The following USP8 variants were observed in gnomAD, a reference collection of about 807,000 sequenced individuals.
USP8 encodes ubiquitin carboxyl-terminal hydrolase 8.
In USP8, 27 loss-of-function variants were observed where a neutral mutation model predicts 130.0. That is an observed-to-expected ratio of 0.21 (90% confidence interval 0.15 to 0.29). The LOEUF (loss-of-function observed/expected upper bound fraction) is 0.29. Among genes scored for constraint, USP8 ranks in the 10% least tolerant of loss-of-function variants. The pLI is 1.00. For synonymous variants in USP8, 392 were observed against 444.1 expected, an observed-to-expected ratio of 0.88 and a Z score of 1.48; for missense variants, 1,029 against 1,312.2, an observed-to-expected ratio of 0.78 and a Z score of 3.33.
intron 3 of USP8, among the ~76,000 whole-genome samples, chr15:50,448,922 C>G (rs2050525411): frequency 1.3e-5 from 2 of 152,092 alleles, no homozygotes; most frequent in Non-Finnish European, 2.9e-5. Flanking sequence ...TGTTTTGACT[C>G]CAGTTGGGAT....
chr15:50,477,010 T>G lies in USP8; in HGVS notation c.994+17T>G, dbSNP rs986056087. 1 of 1,593,046 alleles carries G rather than the reference T, an allele frequency of 6.3e-7. No homozygotes were observed. The highest frequency in any genetic ancestry group is 1.4e-5 in the African/African-American group (1 of 73,568). Reference sequence around the variant, plus strand: ...CTATCTCATGTATGTATGTGAAAATTTTTGTTTAAAATTGCTTTGGTAAAA... The same window carrying G: ...CTATCTCATGTATGTATGTGAAAATGTTTGTTTAAAATTGCTTTGGTAAAA... On this transcript the variant is annotated intron_variant, in intron 9 of 19. Coordinates refer to ENST00000307179, the MANE Select transcript of USP8 (RefSeq NM_005154.5).
Position 50,482,014 on chromosome 15 carries a change from A to G in USP8, c.1752A>G (p.Ser584=). 6.4e-7 allele frequency: 1 copy of G among 1,570,924 alleles called. No individual in the cohort carries two copies. Among genetic ancestry groups the G allele is most frequent in the Non-Finnish European group, 8.6e-7 (1 of 1,165,644 alleles). Residue 584 remains serine (S), a synonymous_variant, in exon 11 of 20, where the codon TCA becomes TCG. Coordinates refer to ENST00000307179, the MANE Select transcript of USP8 (RefSeq NM_005154.5). ...RCPTPEIQKK[S]TGDVPHTSVT... is the part of the protein sequence containing the mutation. ...CAACCCCAGAAATACAGAAAAAGTC[A>G]ACAGGAGATGTGCCCCATACATCTG...
intron 1 of USP8, among the ~76,000 whole-genome samples, chr15:50,434,206 G>A (rs772322611): frequency 5.9e-5 from 9 of 151,570 alleles, no homozygotes; most frequent in East Asian, 2.0e-4. Flanking sequence ...GGGTTCAAGC[G>A]ATTTTTCTGC....
rs1228956967 is a variant in USP8 at position 50,439,181 on chromosome 15, T to C, written c.104+4T>C. On this transcript the variant is annotated splice_donor_region_variant and intron_variant, in intron 2 of 19. Transcript: ENST00000307179. ...CAGAGAAAATAAGCACTAAGAGGTA[T>C]GATGTATCCTTCGCTAGTTTGATTG... 2 of 1,458,730 alleles carry C rather than the reference T, an allele frequency of 1.4e-6. No individual in the cohort carries two copies. Among genetic ancestry groups the C allele is most frequent in the South Asian group, 1.4e-5 (1 of 72,082 alleles). 90.4% of individuals were successfully genotyped at this position (1,458,730 alleles called of 1,614,324 possible). A position where few individuals can be genotyped will look rare whatever the true frequency, so the allele number is the denominator to read the frequency against.
intron 11 of USP8, among the ~76,000 whole-genome samples, chr15:50,483,386 T>G (rs2051842603): frequency 6.6e-6 from 1 of 152,198 alleles, no homozygotes; most frequent in African/African-American, 2.4e-5. Flanking sequence ...CTTTTAAAAG[T>G]AGGAGAAATA....
Position 50,477,377 on chromosome 15 carries a change from A to G in USP8, c.1096A>G (p.Ser366Gly), listed in dbSNP as rs890063015. The G allele has an allele frequency of 5.6e-6, 9 of 1,614,048 alleles. No individual in the cohort carries two copies. In the African/African-American group the frequency reaches 1.2e-4, roughly 22 times the overall value. ...IEVDENIELI[S>G]GQNERMGPLN... The stretch of plus-strand genomic sequence containing the variant: ...AGTAGATGAAAATATAGAATTGATA[A>G]GTGGTCAAAATGAGAGAATGGGACC... The change falls in exon 10 of 20, where the codon AGT becomes GGT. Residue 366 changes from serine (S) to glycine (G), a missense_variant. Coordinates refer to ENST00000307179, the MANE Select transcript of USP8 (RefSeq NM_005154.5).
chr15:50,462,253 A>C (rs1296859707), intron 5 of USP8, 27 bp from the exon 6 acceptor site: 2 of 1,584,614 alleles, frequency 1.3e-6, no homozygotes, highest in Non-Finnish European at 1.7e-6. Flanking sequence ...ATGAAAGTTG[A>C]AACTTTTTTT....
At chr15:50,458,910 G>A in intron 4 of USP8, 90 bp from the exon 5 acceptor site, 1 of 1,510,892 alleles carries the variant, frequency 6.6e-7, no homozygotes, top group Non-Finnish European at 9.1e-7. Context: ...AATACCTCAA[G>A]GCAGGATACT....
In USP8 at chr15:50,490,380, A is replaced by G. The variant is rs1402105249; in HGVS notation, c.2089A>G (p.Lys697Glu). The G allele has an allele frequency of 6.2e-7, 1 of 1,614,098 alleles. No homozygotes were observed. The highest frequency in any genetic ancestry group is 1.1e-5 in the South Asian group (1 of 91,084). ...SAPPSTPPTH[K>E]AKPQIPAERD... ...ACCTCCTTCCACCCCTCCAACTCAT[A>G]AAGCCAAGCCACAGATTCCTGCTGA... The change falls in exon 14 of 20, where the codon AAA (lysine) becomes GAA (glutamate). Residue 697 changes from lysine to glutamate, a missense_variant. Transcript: ENST00000307179.
At chr15:50,482,156 C>A in intron 11 of USP8, 91 bp downstream of exon 11, 1 of 1,216,594 alleles carries the variant, frequency 8.2e-7, no homozygotes, top group Non-Finnish European at 1.1e-6. Context: ...AAAGGGCAGG[C>A]ATTTCAAATA....
Position 50,495,870 on chromosome 15 carries a change from A to G in USP8, c.2681A>G (p.Lys894Arg). Residue 894 changes from lysine to arginine, a missense_variant, in exon 17 of 20, where the codon AAA becomes AGA. Physicochemically the swap from Lys to Arg is conservative, Grantham distance 26. Around this residue, in one of 4 missense-constraint regions of USP8, gnomAD observed 257 missense variants for 429.8 expected, o/e 0.60. Transcript: ENST00000307179. ...LNKADNRKRYKEENNDHLDDF... is the reference protein window; with the variant it reads ...LNKADNRKRYREENNDHLDDF... Reference sequence around the variant, plus strand: ...CAGGCTGATAATCGGAAGAGATATAAAGAAGAAAATAATGATCATCTCGAT... The same window carrying G: ...CAGGCTGATAATCGGAAGAGATATAGAGAAGAAAATAATGATCATCTCGAT... 1 of 1,613,600 alleles carries G rather than the reference A, an allele frequency of 6.2e-7. No individual in the cohort carries two copies. The highest frequency in any genetic ancestry group is 8.5e-7 in the Non-Finnish European group (1 of 1,179,734).
chr15:50,490,200 C>A (rs1368243209), intron 13 of USP8, 63 bp from the exon 14 acceptor site: 8 of 1,480,044 alleles, frequency 5.4e-6, no homozygotes, highest in Admixed American at 2.2e-5. Context: ...GGAGTGATTT[C>A]TTTGTTTATA....
Position 50,459,129 on chromosome 15 carries a change from G to A in USP8, c.465G>A (p.Glu155=), listed in dbSNP as rs780810414. The A allele has an allele frequency of 1.9e-6, 3 of 1,610,946 alleles. No homozygotes were observed. The highest frequency in any genetic ancestry group is 2.2e-5 in the South Asian group (2 of 89,964). ...GCACATTGGCTAAAGGCTCTTTGGAGAATGTTTTGGATTCCAAAGACAAAA... is the reference window on the plus strand; with the variant it reads ...GCACATTGGCTAAAGGCTCTTTGGAAAATGTTTTGGATTCCAAAGACAAAA... ...DGGTLAKGSL[E]NVLDSKDKTQ... is the part of the protein sequence containing the mutation. Residue 155 remains glutamate (E), a synonymous_variant, in exon 5 of 20, where the codon GAG becomes GAA. Transcript: ENST00000307179.
In USP8 at chr15:50,510,654, T is replaced by C. The variant is rs1212277430; in HGVS notation, c.*11566T>C. On this transcript the variant is annotated 3_prime_UTR_variant, in exon 20 of 20. Transcript: ENST00000307179. ...ATTTAAATCAGCAAAAAGTTAGATA[T>C]ACGTGTGTATAGATGTGCACATATA... is the stretch of plus-strand genomic sequence containing the variant. 2 of 152,236 alleles carry C rather than the reference T, an allele frequency of 1.3e-5. No individual in the cohort carries two copies. Among genetic ancestry groups the C allele is most frequent in the East Asian group, 3.8e-4 (2 of 5,202 alleles). 9.4% of individuals were successfully genotyped at this position (152,236 alleles called of 1,614,324 possible).
rs963012530 is a variant in USP8, at chr15:50,481,528, A to T, written c.1266A>T (p.Arg422Ser). 5 of 1,609,362 alleles carry T rather than the reference A, an allele frequency of 3.1e-6. No individual in the cohort carries two copies. In the East Asian group the frequency reaches 6.7e-5, roughly 22 times the overall value. ...KPAVKLPEEH[R>S]IKSESTNHEQ... ...CAGTCAAATTGCCTGAAGAGCATAGAATAAAATCTGAAAGTACAAACCATG... is the reference window on the plus strand; with the variant it reads ...CAGTCAAATTGCCTGAAGAGCATAGTATAAAATCTGAAAGTACAAACCATG... Residue 422 changes from arginine to serine, a missense_variant, in exon 11 of 20, where the codon AGA becomes AGT. Physicochemically the swap from Arg to Ser is moderately radical, Grantham distance 110. Coordinates refer to ENST00000307179, the MANE Select transcript of USP8 (RefSeq NM_005154.5).
chr15:50,467,580 AGGGTCTCACTCTGTGCCT>A (rs2051233278), intron 7 of USP8, among the ~76,000 whole-genome samples: 1 of 152,092 alleles, frequency 6.6e-6, no homozygotes, highest in Non-Finnish European at 1.5e-5. Flanking sequence ...TTTTTGAGAC[AGGGTCTCACTCTGTGCCT>A]GGGTTGGAGT....
In USP8 at chr15:50,512,107, G is replaced by A. The variant is rs1016934875; in HGVS notation, c.*13019G>A. On this transcript the variant is annotated 3_prime_UTR_variant, in exon 20 of 20. Coordinates refer to ENST00000307179, the MANE Select transcript of USP8 (RefSeq NM_005154.5). ...CATGCCTGTAATCCGAGCACTTTGG[G>A]AGGCCAAGGTGGGTGCGCCACTTGA... is the stretch of plus-strand genomic sequence containing the variant. The A allele has an allele frequency of 3.3e-5, 5 of 152,206 alleles. No homozygotes were observed. Among genetic ancestry groups the A allele is most frequent in the Non-Finnish European group, 5.9e-5 (4 of 68,084 alleles). The allele number at this position is 152,206 out of a possible 1,614,324, so 9.4% of individuals were successfully genotyped here. A position where few individuals can be genotyped will look rare whatever the true frequency, so the allele number is the denominator to read the frequency against.
chr15:50,434,328 C>T (rs533189893), intron 1 of USP8, among the ~76,000 whole-genome samples: 1 of 151,980 alleles, frequency 6.6e-6, no homozygotes, highest in East Asian at 2.0e-4. Context: ...GTCTCAAACT[C>T]CCGACCTCAA....
intron 7 of USP8, among the ~76,000 whole-genome samples, chr15:50,466,154 T>G (rs11070784): frequency 8.6e-5 from 13 of 152,044 alleles, no homozygotes; most frequent in African/African-American, 1.9e-4. Context: ...AGCATTCTTA[T>G]GCAGATCCTA....
Sources: allele counts gnomAD v4.1 joint callset (sites outside exome capture counted in the v4.1 genomes callset), GRCh38; gene constraint gnomAD v4.1.1; regional missense constraint gnomAD v4.1.1; transcripts MANE v1.5; gene names NCBI Gene and HGNC (gene_info 2026-07-23, HGNC 2026-07-21).